The following PRRG1 variants were observed in gnomAD, a reference collection of about 807,000 sequenced individuals.
PRRG1 encodes transmembrane gamma-carboxyglutamic acid protein 1.
A neutral mutation model predicts 11.8 loss-of-function variants in PRRG1; 5 were observed. The observed-to-expected ratio is 0.42, with a 90% CI of 0.22 to 0.89. PRRG1 has a LOEUF of 0.89. Among genes scored for constraint, PRRG1 ranks in the 40% least tolerant of loss-of-function variants. PRRG1 has a pLI of 0.28. For synonymous variants in PRRG1, 66 were observed against 60.4 expected (o/e 1.09, Z -0.43); for missense variants, 155 against 166.1 (o/e 0.93, Z 0.37).
chrX:37,362,517 A>G (rs1416277214), intron 1 of PRRG1, among the ~76,000 whole-genome samples: 1 of 111,461 alleles, frequency 9.0e-6, no homozygotes, highest in Non-Finnish European at 1.9e-5. Flanking sequence ...AGAAAGCCCC[A>G]TCTAGCCCTA....
chrX:37,438,430 CTTTTTTTTTTTTTT>C (rs782783420), intron 3 of PRRG1, among the ~76,000 whole-genome samples: 1 of 69,043 alleles, frequency 1.4e-5, no homozygotes, highest in Non-Finnish European at 2.7e-5. Flanking sequence ...GAATTTTTTC[CTTTTTTTTTTTTTT>C]TTTTTTTTTG....
chrX:37,453,590 C>T lies in PRRG1; in HGVS notation c.626C>T (p.Pro209Leu). The change falls in exon 4 of 4, where the codon CCT becomes CTT. Residue 209 changes from proline (P) to leucine (L), a missense_variant. Transcript: ENST00000378628. ...AACTCCAACTCAGCCAGTGCCATTC[C>T]TATGGTGCCTGTGGTCACCACCATC... ...IVNSNSASAI[P>L]MVPVVTTIK 8.4e-7 allele frequency: 1 copy of T among 1,193,711 alleles called. No homozygotes were observed. Among genetic ancestry groups the T allele is most frequent in the South Asian group, 1.8e-5 (1 of 54,060 alleles).
At chrX:37,440,710 A>T (rs1280077821) in intron 3 of PRRG1, 2 of 497,489 alleles carry the variant, frequency 4.0e-6, no homozygotes, top group African/African-American at 4.7e-5. Context: ...CCTAGGTTTT[A>T]TATTAGTTTT....
intron 2 of PRRG1, among the ~76,000 whole-genome samples, chrX:37,417,259 TA>T (rs1166391121): frequency 9.0e-6 from 1 of 110,969 alleles, no homozygotes; most frequent in Non-Finnish European, 1.9e-5. Context: ...TAATAATCAT[TA>T]TTTTTTTCTC....
intron 2 of PRRG1, among the ~76,000 whole-genome samples, chrX:37,416,264 C>T (rs193056936): frequency 8.0e-5 from 9 of 112,020 alleles, no homozygotes; most frequent in African/African-American, 9.7e-5. Context: ...GACAGTTATC[C>T]ACTTCTAGAG....
intron 1 of PRRG1, among the ~76,000 whole-genome samples, chrX:37,405,321 G>A (rs1556381709): frequency 8.9e-6 from 1 of 111,877 alleles, no homozygotes; most frequent in Non-Finnish European, 1.9e-5. Context: ...CTGATTATCA[G>A]GTCTCAGTCT....
chrX:37,364,934 A>G (rs782433150), intron 1 of PRRG1, among the ~76,000 whole-genome samples: 5 of 112,300 alleles, frequency 4.5e-5, no homozygotes, highest in African/African-American at 1.6e-4. Flanking sequence ...AAACGTTGGC[A>G]AAGAAAAGTA....
chrX:37,438,365 C>T (rs782755425), intron 3 of PRRG1, among the ~76,000 whole-genome samples: 3 of 108,324 alleles, frequency 2.8e-5, no homozygotes, highest in Non-Finnish European at 5.7e-5. Flanking sequence ...TTTAACTTCT[C>T]TGAAATTGAG....
At chrX:37,417,402 C>CT (rs1556385483) in intron 2 of PRRG1, among the ~76,000 whole-genome samples, 1 of 111,199 alleles carries the variant, frequency 9.0e-6, no homozygotes. Context: ...ATACTAAACT[C>CT]TAAGTTTGCA....
intron 1 of PRRG1, among the ~76,000 whole-genome samples, chrX:37,372,548 A>T (rs1000904022): frequency 8.9e-6 from 1 of 112,151 alleles, no homozygotes; most frequent in Non-Finnish European, 1.9e-5. Flanking sequence ...TCTTGACCTC[A>T]AGTGATCCAC....
intron 1 of PRRG1, among the ~76,000 whole-genome samples, chrX:37,382,848 G>T (rs782708885): frequency 9.1e-6 from 1 of 110,215 alleles, no homozygotes; most frequent in African/African-American, 3.3e-5. Flanking sequence ...TCCCTTTGAG[G>T]ATTGGTCATT....
chrX:37,443,990 T>G (rs1933031156), intron 3 of PRRG1, among the ~76,000 whole-genome samples: 2 of 112,528 alleles, frequency 1.8e-5, no homozygotes, highest in Non-Finnish European at 3.8e-5. Context: ...TATACAGTAT[T>G]CAAAGTTACA....
At chrX:37,409,307 G>A (rs1026595937) in intron 2 of PRRG1, among the ~76,000 whole-genome samples, 4 of 111,916 alleles carry the variant, frequency 3.6e-5, no homozygotes, top group East Asian at 5.6e-4. Context: ...TGAATCAGTG[G>A]AGGAAGAAGA....
intron 3 of PRRG1, chrX:37,442,098 G>A (rs41309725): frequency 0.032 from 24,340 of 761,783 alleles, 297 homozygotes; most frequent in South Asian, 0.045. Flanking sequence ...CCACAGCCAC[G>A]GTGTGCCTTC....
intron 1 of PRRG1, among the ~76,000 whole-genome samples, chrX:37,354,656 G>A (rs1556365671): frequency 1.8e-5 from 2 of 110,754 alleles, no homozygotes; most frequent in African/African-American, 6.6e-5. Flanking sequence ...GCCTCCCAAA[G>A]TGCTGGGATT....
intron 3 of PRRG1, among the ~76,000 whole-genome samples, chrX:37,440,344 A>G (rs1262226345): frequency 8.9e-6 from 1 of 111,943 alleles, no homozygotes; most frequent in African/African-American, 3.3e-5. Flanking sequence ...AATAGAACCT[A>G]CAATATAATT....
chrX:37,352,289 A>AT (rs1349608419), intron 1 of PRRG1, among the ~76,000 whole-genome samples: 1 of 112,177 alleles, frequency 8.9e-6, no homozygotes, highest in Non-Finnish European at 1.9e-5. Context: ...AGTAACCCTT[A>AT]TTTTTCATTT....
chrX:37,362,414 C>G (rs782782342), intron 1 of PRRG1, among the ~76,000 whole-genome samples: 29 of 109,409 alleles, frequency 2.7e-4, no homozygotes, highest in Non-Finnish European at 4.8e-4. Flanking sequence ...ACTTTTCTCC[C>G]CAGTCATTTC....
chrX:37,445,222 T>G (rs1933052368), intron 3 of PRRG1, among the ~76,000 whole-genome samples: 1 of 112,107 alleles, frequency 8.9e-6, no homozygotes, highest in African/African-American at 3.2e-5. Context: ...TTTAAAAAAT[T>G]TCAATGCCTA....
Sources: gnomAD v4.1 joint callset for allele counts (sites outside exome capture counted in the v4.1 genomes callset) on GRCh38, gnomAD v4.1.1 for gene constraint, MANE v1.5 for transcripts, NCBI Gene and HGNC (gene_info 2026-07-23, HGNC 2026-07-21) for gene names.